The following GRID2 variants were observed in gnomAD, a reference collection of about 807,000 sequenced individuals.
GRID2 encodes the protein glutamate ionotropic receptor delta type subunit 2.
A neutral mutation model predicts 114.8 loss-of-function variants in GRID2; 33 were observed. That is an observed-to-expected ratio of 0.29 (90% CI 0.22 to 0.38). GRID2 has a LOEUF of 0.38. Among genes scored for constraint, GRID2 ranks in the 10% least tolerant of loss-of-function variants. The pLI is 1.00. For missense variants in GRID2, 1,184 were observed against 1,257.7 expected (o/e 0.94, Z 0.89); for synonymous variants, 505 against 449.9 (o/e 1.12, Z -1.55).
Position 92,616,851 on chromosome 4 carries a change from TAGAG to T in GRID2, c.244+26567_244+26570del, listed in dbSNP as rs752529792. ...TGCTTTTTTGATTGCTGTTTTTTTC[TAGAG>T]AATCATTCTCTGCTAAATCTTTTGT... On this transcript the variant is annotated intron_variant, in intron 2 of 15. Coordinates refer to ENST00000282020, the MANE Select transcript of GRID2 (RefSeq NM_001510.4). Among the ~76,000 whole-genome samples the T allele has an allele frequency of 1.1e-4, 17 of 151,720 alleles. 1 individual carries two copies. In the East Asian group the frequency reaches 2.7e-3, roughly 24 times the overall value.
intron 3 of GRID2, among the ~76,000 whole-genome samples, chr4:93,104,474 C>G: frequency 6.6e-6 from 1 of 151,220 alleles, no homozygotes; most frequent in Admixed American, 6.6e-5. Flanking sequence ...CACCCCACAA[C>G]AGTCCCCAGA....
intron 13 of GRID2, among the ~76,000 whole-genome samples, chr4:93,596,184 CT>C (rs1166362799): frequency 6.6e-6 from 1 of 152,174 alleles, no homozygotes; most frequent in Admixed American, 6.5e-5. Flanking sequence ...TTTGTAATTT[CT>C]AGAAATATTG....
chr4:92,511,656 A>C (rs1181104612), intron 1 of GRID2, among the ~76,000 whole-genome samples: 2 of 151,908 alleles, frequency 1.3e-5, no homozygotes, highest in Non-Finnish European at 2.9e-5. Flanking sequence ...AAATATTGTT[A>C]AAATATTAGG....
intron 12 of GRID2, among the ~76,000 whole-genome samples, chr4:93,502,716 C>CA (rs369781068): frequency 0.028 from 4,004 of 140,778 alleles, 199 homozygotes; most frequent in African/African-American, 0.1. Flanking sequence ...CTCCCCCCCC[C>CA]CACACACACA....
Position 92,616,316 on chromosome 4 carries a change from CTCCTTTGTTTCTTGTA to C in GRID2, c.244+26031_244+26046del, listed in dbSNP as rs1286914567. ...CAGTGTCTTTCCACTGCCTTCTGGC[CTCCTTTGTTTCTTGTA>C]AAACATCAGCTGCTAATTTATTATG... On this transcript the variant is annotated intron_variant, in intron 2 of 15. Coordinates refer to ENST00000282020, the MANE Select transcript of GRID2 (RefSeq NM_001510.4). Among the ~76,000 whole-genome samples the C allele has an allele frequency of 5.3e-5, 8 of 151,308 alleles. No individual in the cohort carries two copies. In the East Asian group the frequency reaches 1.2e-3, roughly 22 times the overall value.
intron 2 of GRID2, among the ~76,000 whole-genome samples, chr4:92,730,094 ATAAT>A (rs1736261061): frequency 6.6e-6 from 1 of 152,012 alleles, no homozygotes; most frequent in South Asian, 2.1e-4. Flanking sequence ...TTAAGACAAA[ATAAT>A]TATATCACAT....
At chr4:92,974,736 G>T (rs1753745235) in intron 2 of GRID2, among the ~76,000 whole-genome samples, 1 of 151,932 alleles carries the variant, frequency 6.6e-6, no homozygotes, top group Admixed American at 6.6e-5. Flanking sequence ...CCTAATGCAG[G>T]TGATGGGTTG....
chr4:93,540,610 G>A (rs1004267068), intron 13 of GRID2, among the ~76,000 whole-genome samples: 3 of 152,160 alleles, frequency 2.0e-5, no homozygotes, highest in Non-Finnish European at 4.4e-5. Flanking sequence ...GGACTATGGT[G>A]AGGAAGGGTA....
At chr4:93,548,472 T>C (rs1219663488) in intron 13 of GRID2, among the ~76,000 whole-genome samples, 2 of 152,170 alleles carry the variant, frequency 1.3e-5, no homozygotes, top group Non-Finnish European at 2.9e-5. Context: ...CTATTTCTCA[T>C]CTATGAGATA....
intron 14 of GRID2, 103 bp downstream of exon 14, chr4:93,626,538 G>A: frequency 1.4e-6 from 1 of 708,112 alleles, no homozygotes; most frequent in Non-Finnish European, 2.4e-6. Context: ...TCCTTTGTTA[G>A]GAGAAGCACA....
intron 2 of GRID2, among the ~76,000 whole-genome samples, chr4:92,722,059 A>T (rs1380398315): frequency 6.6e-6 from 1 of 152,140 alleles, no homozygotes; most frequent in African/African-American, 2.4e-5. Flanking sequence ...TGATCAAAAG[A>T]TTCATAGAGA....
intron 1 of GRID2, among the ~76,000 whole-genome samples, chr4:92,534,376 C>T (rs941260670): frequency 1.3e-5 from 2 of 152,042 alleles, no homozygotes; most frequent in Non-Finnish European, 2.9e-5. Flanking sequence ...TAGACCAGCC[C>T]AATTTGACCC....
chr4:92,525,278 A>C (rs866485604), intron 1 of GRID2, among the ~76,000 whole-genome samples: 2 of 152,082 alleles, frequency 1.3e-5, no homozygotes, highest in African/African-American at 4.8e-5. Flanking sequence ...CGGTGAAAAA[A>C]AAACAAAAAC....
At chr4:92,908,326 A>G (rs992905283) in intron 2 of GRID2, among the ~76,000 whole-genome samples, 5 of 152,214 alleles carry the variant, frequency 3.3e-5, no homozygotes, top group Non-Finnish European at 7.3e-5. Flanking sequence ...CTACACATCC[A>G]CTGAGTACAC....
chr4:92,945,262 T>A (rs1467253806), intron 2 of GRID2, among the ~76,000 whole-genome samples: 1 of 152,194 alleles, frequency 6.6e-6, no homozygotes, highest in Non-Finnish European at 1.5e-5. Context: ...TAGAATAAAT[T>A]TGATTGGTTG....
chr4:93,257,978 GTATATA>G (rs72080884), intron 8 of GRID2, among the ~76,000 whole-genome samples: 12 of 139,082 alleles, frequency 8.6e-5, no homozygotes, highest in African/African-American at 2.2e-4. Context: ...ATATGTGTGT[GTATATA>G]TATATATATA....
chr4:93,805,269 T>A (rs754465829), intron 1 of GRID2, among the ~76,000 whole-genome samples: 6 of 152,236 alleles, frequency 3.9e-5, no homozygotes, highest in African/African-American at 9.6e-5. Context: ...CATAGTTAAA[T>A]AAATTATTTT....
intron 2 of GRID2, among the ~76,000 whole-genome samples, chr4:92,988,876 T>C (rs1417280581): frequency 6.6e-6 from 1 of 152,174 alleles, no homozygotes; most frequent in Non-Finnish European, 1.5e-5. Context: ...GCATAACTGA[T>C]ACATGAAGAG....
chr4:92,564,689 A>C (rs549045564), intron 1 of GRID2, among the ~76,000 whole-genome samples: 37 of 152,170 alleles, frequency 2.4e-4, no homozygotes, highest in African/African-American at 8.2e-4. Context: ...AAGAATCTTA[A>C]ACATTCCTAA....
Sources: allele counts gnomAD v4.1 joint callset (sites outside exome capture counted in the v4.1 genomes callset), GRCh38; gene constraint gnomAD v4.1.1; transcripts MANE v1.5; gene names NCBI Gene and HGNC (gene_info 2026-07-23, HGNC 2026-07-21).